TLN2: variants seen among roughly 807,000 people sequenced by gnomAD.
TLN2 encodes talin-2.
In TLN2, 118 loss-of-function variants were observed where a neutral mutation model predicts 294.7. That is an observed-to-expected ratio of 0.40 (90% confidence interval 0.34 to 0.47). The LOEUF (loss-of-function observed/expected upper bound fraction) is 0.47. TLN2 is among the 20% of genes least tolerant of loss of function. The pLI, the probability that TLN2 is intolerant of heterozygous loss-of-function variation, is 0.84. For synonymous variants in TLN2, 1,431 were observed against 1,304.5 expected (o/e 1.10, Z -2.09); for missense variants, 3,083 against 3,282.2 (o/e 0.94, Z 1.48).
In TLN2 at chr15:62,667,846, C is replaced by A. The variant is rs528209363; in HGVS notation, c.789-5981C>A. ...AGAAAATGAGGTTCGATTATGTACA[C>A]ACAGTGAAATAATATTTAGCCTTAA... On this transcript the variant is annotated intron_variant, in intron 9 of 58. Coordinates refer to ENST00000636159, the MANE Select transcript of TLN2 (RefSeq NM_015059.3). Among the ~76,000 whole-genome samples the A allele has an allele frequency of 1.3e-5, 2 of 152,160 alleles. 1 individual carries two copies.
chr15:62,701,480 G>A (rs911845178), intron 17 of TLN2, among the ~76,000 whole-genome samples: 22 of 152,038 alleles, frequency 1.4e-4, no homozygotes, highest in African/African-American at 5.1e-4. Flanking sequence ...TCAGTGTGCC[G>A]GACATACTGC....
chr15:62,554,098 T>C (rs565873682), intron 1 of TLN2, among the ~76,000 whole-genome samples: 3 of 152,126 alleles, frequency 2.0e-5, no homozygotes, highest in African/African-American at 7.2e-5. Flanking sequence ...GTAAACATTA[T>C]CTAGGATCAA....
At chr15:62,659,119 C>T (rs942066855) in intron 9 of TLN2, among the ~76,000 whole-genome samples, 1 of 152,146 alleles carries the variant, frequency 6.6e-6, no homozygotes, top group African/African-American at 2.4e-5. Context: ...ATGATGATGC[C>T]ACCATGGTCA....
At chr15:62,544,316 G>A (rs970174729) in intron 1 of TLN2, among the ~76,000 whole-genome samples, 1 of 152,050 alleles carries the variant, frequency 6.6e-6, no homozygotes, top group African/African-American at 2.4e-5. Flanking sequence ...AACTCATAGC[G>A]CCTCTTCCTC....
intron 1 of TLN2, among the ~76,000 whole-genome samples, chr15:62,534,584 G>C (rs1037967574): frequency 2.0e-5 from 3 of 152,168 alleles, no homozygotes; most frequent in African/African-American, 7.2e-5. Flanking sequence ...TTTTATGGAA[G>C]CATCGTTGTG....
chr15:62,480,213 T>A (rs2038001614), intron 1 of TLN2, among the ~76,000 whole-genome samples: 1 of 152,140 alleles, frequency 6.6e-6, no homozygotes, highest in Non-Finnish European at 1.5e-5. Flanking sequence ...ATATCTTATT[T>A]GTTTATTGTT....
intron 10 of TLN2, among the ~76,000 whole-genome samples, chr15:62,674,591 CG>C (rs199763435): frequency 0.042 from 6,257 of 150,184 alleles, 154 homozygotes; most frequent in Non-Finnish European, 0.055. Flanking sequence ...TACCTCCCCC[CG>C]CCCTGTTCAA....
At chr15:62,516,710 G>C (rs990744322) in intron 1 of TLN2, among the ~76,000 whole-genome samples, 1 of 152,228 alleles carries the variant, frequency 6.6e-6, no homozygotes, top group Admixed American at 6.5e-5. Flanking sequence ...TAATTGGACA[G>C]AAGCTCTAGG....
chr15:62,783,933 C>T, intron 45 of TLN2, 43 bp downstream of exon 45: 1 of 1,608,460 alleles, frequency 6.2e-7, no homozygotes, highest in South Asian at 1.1e-5. Flanking sequence ...CACACACACA[C>T]TGGTGCCCAC....
chr15:62,553,417 G>A (rs535299062), intron 1 of TLN2, among the ~76,000 whole-genome samples: 4 of 152,208 alleles, frequency 2.6e-5, no homozygotes, highest in South Asian at 2.1e-4. Context: ...CCCAGGAGGC[G>A]GAGGTTGCGG....
chr15:62,657,622 C>A, intron 8 of TLN2, 149 bp from the exon 9 acceptor site: 1 of 1,207,804 alleles, frequency 8.3e-7, no homozygotes, highest in Non-Finnish European at 1.1e-6. Flanking sequence ...ATGCGGTGAT[C>A]ATCCACTGTG....
intron 51 of TLN2, among the ~76,000 whole-genome samples, chr15:62,809,508 G>A (rs970927141): frequency 1.3e-5 from 2 of 152,174 alleles, no homozygotes; most frequent in Admixed American, 1.3e-4. Context: ...TGTGAGCAGA[G>A]AGGGGCTTTC....
chr15:62,561,406 G>C (rs1050231963), intron 1 of TLN2: 1 of 152,236 alleles, frequency 6.6e-6, no homozygotes, highest in Non-Finnish European at 1.5e-5. Context: ...TAACGCCTTC[G>C]CGAGAGGAGC....
At chr15:62,791,492 A>G (rs11071693) in intron 45 of TLN2, among the ~76,000 whole-genome samples, 35,722 of 152,136 alleles carry the variant, frequency 0.23, 5,058 homozygotes, top group Non-Finnish European at 0.32. Flanking sequence ...TTTTCCCTAA[A>G]AACAGTGTTT....
intron 1 of TLN2, among the ~76,000 whole-genome samples, chr15:62,529,535 T>TA (rs2040927549): frequency 6.7e-6 from 1 of 149,148 alleles, no homozygotes; most frequent in Admixed American, 6.8e-5. Context: ...TTGTTTTTTT[T>TA]ATTTTTTTTC....
chr15:62,498,890 T>TG (rs1465751069), intron 1 of TLN2, among the ~76,000 whole-genome samples: 2 of 152,234 alleles, frequency 1.3e-5, no homozygotes, highest in Non-Finnish European at 2.9e-5. Context: ...TAAAGAGAGC[T>TG]GTACAGGGGT....
At chr15:62,783,559 C>CT (rs1238349969) in intron 44 of TLN2, among the ~76,000 whole-genome samples, 1 of 152,254 alleles carries the variant, frequency 6.6e-6, no homozygotes, top group Non-Finnish European at 1.5e-5. Flanking sequence ...TGCGAGGGCT[C>CT]TGGCCTTTTG....
intron 28 of TLN2, 23 bp downstream of exon 28, chr15:62,727,212 C>A (rs774996430): frequency 1.2e-6 from 2 of 1,602,094 alleles, no homozygotes; most frequent in African/African-American, 1.3e-5. Context: ...CCCTTCATGC[C>A]ACTGTGGCCA....
At position 62,843,886 on chromosome 15, in the gene TLN2, C is replaced by T. The variant is rs952311756; in HGVS notation, c.*3276C>T. On this transcript the variant is annotated 3_prime_UTR_variant, in exon 59 of 59. Transcript: ENST00000636159. ...TTGGTTTCCTCCCTGGCAGATAGTC[C>T]CCAGAATCTTCTCTCCCAGCTTTGA... 3.3e-5 allele frequency: 5 copies of T among 152,100 alleles called. No individual in the cohort carries two copies. Among genetic ancestry groups the T allele is most frequent in the Non-Finnish European group, 2.9e-5 (2 of 68,066 alleles). The allele number at this position is 152,100 out of a possible 1,614,324, so 9.4% of individuals were successfully genotyped here.
Sources: gnomAD v4.1 joint callset for allele counts (sites outside exome capture counted in the v4.1 genomes callset) on GRCh38, gnomAD v4.1.1 for gene constraint, MANE v1.5 for transcripts, NCBI Gene and HGNC (gene_info 2026-07-23, HGNC 2026-07-21) for gene names.